FGF14: variants seen among roughly 807,000 people sequenced by gnomAD.
FGF14 encodes the protein fibroblast growth factor 14.
FGF14 carries 5 observed loss-of-function variants against 25.5 expected under a neutral mutation model. The observed-to-expected ratio is 0.20, with a 90% CI of 0.10 to 0.41. FGF14 has a LOEUF of 0.41. FGF14 is among the 10% of genes least tolerant of loss of function. The pLI is 1.00. For missense variants in FGF14, 222 were observed against 320.1 expected, an observed-to-expected ratio of 0.69 and a Z score of 2.34; for synonymous variants, 138 against 118.3, an observed-to-expected ratio of 1.17 and a Z score of -1.08.
At position 101,714,866 on chromosome 13, in the gene FGF14, C is replaced by G. The variant is rs879310480; in HGVS notation, c.*7965G>C. 6.4e-6 allele frequency: 2 copies of G among 311,474 alleles called. No individual in the cohort carries two copies. The highest frequency in any genetic ancestry group is 2.1e-5 in the African/African-American group (1 of 46,662). 19.3% of individuals were successfully genotyped at this position (311,474 alleles called of 1,614,324 possible). A position where few individuals can be genotyped will look rare whatever the true frequency, so the allele number is the denominator to read the frequency against. On this transcript the variant is annotated 3_prime_UTR_variant, in exon 5 of 5. Coordinates refer to ENST00000376143, the MANE Select transcript of FGF14 (RefSeq NM_004115.4). ...CACAGAAAAGAATTTTGTTGGCAAC[C>G]ATTTTACTTTGAACATGGTATAGGG...
At chr13:101,957,442 A>T (rs2036580092) in intron 1 of FGF14, among the ~76,000 whole-genome samples, 1 of 152,224 alleles carries the variant, frequency 6.6e-6, no homozygotes, top group Non-Finnish European at 1.5e-5. Context: ...TTGAATAGTC[A>T]GCAAACTAAG....
rs143636085 is a variant in FGF14 at position 101,813,523 on chromosome 13, T to G, written c.408+55202A>C. On this transcript the variant is annotated intron_variant, in intron 3 of 4. Transcript: ENST00000376143. ...ACACCAAATGCCAGTGGCTTGATCT[T>G]GAACTTCCCAGCCCCTAGAATGGCA... Among the ~76,000 whole-genome samples, 807 of 152,290 alleles carry G rather than the reference T, an allele frequency of 5.3e-3. 4 individuals carry two copies. The highest frequency in any genetic ancestry group is 0.01 in the Admixed American group (157 of 15,286).
rs1423572353 is a variant in FGF14 at position 101,939,439 on chromosome 13, T to C, written c.209-64143A>G. 2.0e-5 allele frequency among the ~76,000 whole-genome samples: 3 copies of C among 152,328 alleles called. No homozygotes were observed. In the East Asian group the frequency reaches 5.8e-4, roughly 29 times the overall value. On this transcript the variant is annotated intron_variant, in intron 1 of 4. Coordinates refer to the FGF14 transcript ENST00000376131. ...TACTTTATTTTTGTCTGACTTTCCA[T>C]GGTCCCAAGAGTTACAGCACATCCT...
At chr13:102,247,484 A>G (rs552575313) in intron 1 of FGF14, among the ~76,000 whole-genome samples, 6 of 152,334 alleles carry the variant, frequency 3.9e-5, no homozygotes, top group East Asian at 1.9e-4. Context: ...AGCCTATGAA[A>G]AAAACCCTCA....
At position 101,717,971 on chromosome 13, in the gene FGF14, G is replaced by A. The variant is rs77113816; in HGVS notation, c.*4860C>T. On this transcript the variant is annotated 3_prime_UTR_variant, in exon 5 of 5. Transcript: ENST00000376143. ...TAAGAAGAGTGTCAAAAATGTCCTC[G>A]GCATTTGTTTTCTCAGAAAAAGAAT... 79 of 152,020 alleles carry A rather than the reference G, an allele frequency of 5.2e-4. No individual in the cohort carries two copies. The highest frequency in any genetic ancestry group is 1.4e-3 in the African/African-American group (57 of 41,452). 9.4% of individuals were successfully genotyped at this position (152,020 alleles called of 1,614,324 possible).
chr13:102,365,307 G>A (rs2057678523), intron 1 of FGF14, among the ~76,000 whole-genome samples: 1 of 152,090 alleles, frequency 6.6e-6, no homozygotes, highest in Admixed American at 6.5e-5. Context: ...TGGACAGCCA[G>A]TAGAGGAATC....
In FGF14 at chr13:101,718,648, T is replaced by C. The variant is rs2034811811; in HGVS notation, c.*4183A>G. 1 of 152,088 alleles carries C rather than the reference T, an allele frequency of 6.6e-6. No homozygotes were observed. The highest frequency in any genetic ancestry group is 2.1e-4 in the South Asian group (1 of 4,832). 9.4% of individuals were successfully genotyped at this position (152,088 alleles called of 1,614,324 possible). A position where few individuals can be genotyped will look rare whatever the true frequency, so the allele number is the denominator to read the frequency against. On this transcript the variant is annotated 3_prime_UTR_variant, in exon 5 of 5. Transcript: ENST00000376143. ...CTAAGTCATAAGAGGAGAGCCATTA[T>C]ACCCGTTGTCTTTCTGGGCTCCTTG...
intron 1 of FGF14, among the ~76,000 whole-genome samples, chr13:102,276,347 GTGTGTGTATA>G (rs1410369551): frequency 6.1e-5 from 2 of 32,880 alleles, no homozygotes; most frequent in Admixed American, 3.8e-4. Context: ...GTGTGTGTGT[GTGTGTGTATA>G]TATATATATA....
At chr13:101,833,648 T>A (rs779412178) in intron 3 of FGF14, among the ~76,000 whole-genome samples, 17 of 152,088 alleles carry the variant, frequency 1.1e-4, no homozygotes, top group Non-Finnish European at 1.8e-4. Flanking sequence ...TGTATACATA[T>A]GCATATGTGT....
intron 1 of FGF14, among the ~76,000 whole-genome samples, chr13:102,137,312 C>T (rs1386283926): frequency 6.6e-6 from 1 of 152,190 alleles, no homozygotes; most frequent in African/African-American, 2.4e-5. Flanking sequence ...ATTGACTTTG[C>T]ACAACTAACT....
At chr13:102,052,626 T>C (rs1310044686) in intron 1 of FGF14, among the ~76,000 whole-genome samples, 2 of 151,534 alleles carry the variant, frequency 1.3e-5, no homozygotes, top group Non-Finnish European at 2.9e-5. Context: ...AGTGAAATGA[T>C]AGATTTGAAG....
chr13:102,120,975 A>C (rs2045698471), intron 1 of FGF14, among the ~76,000 whole-genome samples: 2 of 152,200 alleles, frequency 1.3e-5, no homozygotes, highest in East Asian at 3.9e-4. Context: ...AAGTGCTGGG[A>C]TTACAGGCAT....
chr13:101,816,486 C>T (rs1188196436), intron 3 of FGF14, among the ~76,000 whole-genome samples: 1 of 151,878 alleles, frequency 6.6e-6, no homozygotes, highest in African/African-American at 2.4e-5. Context: ...AATATAATTA[C>T]CTGGGTCACT....
At position 101,786,948 on chromosome 13, in the gene FGF14, T is replaced by C. The variant is rs568080571; in HGVS notation, c.409-60138A>G. 4.6e-5 allele frequency among the ~76,000 whole-genome samples: 7 copies of C among 152,104 alleles called. No homozygotes were observed. In the South Asian group the frequency reaches 1.5e-3, roughly 32 times the overall value. Reference sequence around the variant, plus strand: ...TTTCTCAACACACAAGCCAGGGAGGTCAACACTGATGACTCACATCATGTC... The same window carrying C: ...TTTCTCAACACACAAGCCAGGGAGGCCAACACTGATGACTCACATCATGTC... On this transcript the variant is annotated intron_variant, in intron 3 of 4. Coordinates refer to ENST00000376143, the MANE Select transcript of FGF14 (RefSeq NM_004115.4).
chr13:101,805,662 C>T (rs2041154972), intron 3 of FGF14, among the ~76,000 whole-genome samples: 1 of 152,104 alleles, frequency 6.6e-6, no homozygotes, highest in African/African-American at 2.4e-5. Flanking sequence ...TTTTTAAGAA[C>T]AATTTTGAGT....
intron 1 of FGF14, among the ~76,000 whole-genome samples, chr13:102,178,491 C>A (rs1007843472): frequency 6.6e-6 from 1 of 152,100 alleles, no homozygotes; most frequent in Non-Finnish European, 1.5e-5. Flanking sequence ...ATGTAACCAT[C>A]GCCCAAATAG....
Position 102,382,555 on chromosome 13 carries a change from A to G in FGF14, c.208+18916T>C, listed in dbSNP as rs545177459. On this transcript the variant is annotated intron_variant, in intron 1 of 4. Transcript: ENST00000376131. Reference sequence around the variant, plus strand: ...GTAAAATGTGCAGCTGTTTTGATAAACATTTGGTAGTCACTCAAAATGTTA... The same window carrying G: ...GTAAAATGTGCAGCTGTTTTGATAAGCATTTGGTAGTCACTCAAAATGTTA... Among the ~76,000 whole-genome samples the G allele has an allele frequency of 2.6e-5, 4 of 152,274 alleles. No homozygotes were observed. The South Asian group carries it at 8.3e-4, about 32-fold the overall frequency.
intron 1 of FGF14, among the ~76,000 whole-genome samples, chr13:102,234,915 G>T (rs1041149166): frequency 6.6e-6 from 1 of 152,068 alleles, no homozygotes; most frequent in Non-Finnish European, 1.5e-5. Flanking sequence ...GCACTGTTTG[G>T]GTAGGAGAAG....
At chr13:102,342,987 A>G (rs927626878) in intron 1 of FGF14, among the ~76,000 whole-genome samples, 6 of 152,182 alleles carry the variant, frequency 3.9e-5, no homozygotes, top group African/African-American at 1.4e-4. Flanking sequence ...TTAATACAAA[A>G]TCAGTAAGAG....
Sources: allele counts gnomAD v4.1 joint callset (sites outside exome capture counted in the v4.1 genomes callset), GRCh38; gene constraint gnomAD v4.1.1; transcripts MANE v1.5; gene names NCBI Gene and HGNC (gene_info 2026-07-23, HGNC 2026-07-21).